NAALADL2: variants seen among roughly 807,000 people sequenced by gnomAD.
NAALADL2 encodes the protein N-acetylated alpha-linked acidic dipeptidase like 2, also known as inactive N-acetylated-alpha-linked acidic dipeptidase-like protein 2.
In NAALADL2, 76 loss-of-function variants were observed where a neutral mutation model predicts 87.2. That is an observed-to-expected ratio of 0.87 (90% CI 0.72 to 1.05). The LOEUF (loss-of-function observed/expected upper bound fraction) is 1.05, where lower values mean the gene tolerates loss of function less well. Ranked by LOEUF, NAALADL2 falls within the 50% of genes least tolerant of loss-of-function variation. The pLI is 0.00. For synonymous variants in NAALADL2, 354 were observed against 331.0 expected, an observed-to-expected ratio of 1.07 and a Z score of -0.75; for missense variants, 1,089 against 945.8, an observed-to-expected ratio of 1.15 and a Z score of -1.99.
chr3:175,010,043 C>T (rs1015256453), intron 1 of NAALADL2, among the ~76,000 whole-genome samples: 14 of 151,958 alleles, frequency 9.2e-5, no homozygotes, highest in African/African-American at 3.4e-4. Flanking sequence ...AATACCACTC[C>T]CAATGGCAAA....
chr3:174,479,808 GT>G (rs796561347), intron 1 of NAALADL2, among the ~76,000 whole-genome samples: 8 of 150,694 alleles, frequency 5.3e-5, no homozygotes, highest in African/African-American at 9.7e-5. Flanking sequence ...AGAATCAGGT[GT>G]TTTTTTTTCT....
intron 1 of NAALADL2, among the ~76,000 whole-genome samples, chr3:174,984,039 T>C (rs913539714): frequency 6.6e-6 from 1 of 152,198 alleles, no homozygotes; most frequent in African/African-American, 2.4e-5. Flanking sequence ...CTTCAGACCT[T>C]TATTTGTAGA....
intron 2 of NAALADL2, among the ~76,000 whole-genome samples, chr3:174,687,485 G>T (rs887593166): frequency 6.6e-6 from 1 of 151,876 alleles, no homozygotes; most frequent in Non-Finnish European, 1.5e-5. Flanking sequence ...ATATACTAGG[G>T]GATCCAAGAA....
At chr3:174,943,650 T>C (rs1016910306) in intron 1 of NAALADL2, among the ~76,000 whole-genome samples, 3 of 152,224 alleles carry the variant, frequency 2.0e-5, no homozygotes, top group African/African-American at 7.2e-5. Context: ...GAGATGCAGG[T>C]CAGCAATCAT....
At chr3:175,706,421 T>G (rs972111288) in intron 11 of NAALADL2, among the ~76,000 whole-genome samples, 1 of 152,120 alleles carries the variant, frequency 6.6e-6, no homozygotes, top group Non-Finnish European at 1.5e-5. Context: ...AATAGAGCAA[T>G]TCTAACAATA....
At chr3:175,117,144 A>C (rs770704787) in intron 2 of NAALADL2, among the ~76,000 whole-genome samples, 6 of 152,148 alleles carry the variant, frequency 3.9e-5, no homozygotes, top group Non-Finnish European at 8.8e-5. Context: ...TATTAGACCT[A>C]AAACCATAAA....
chr3:175,454,453 G>A (rs1433305920), intron 6 of NAALADL2, among the ~76,000 whole-genome samples: 2 of 152,024 alleles, frequency 1.3e-5, no homozygotes, highest in Non-Finnish European at 2.9e-5. Context: ...GAACTTTAGG[G>A]TTCCTACTTT....
intron 5 of NAALADL2, among the ~76,000 whole-genome samples, chr3:175,442,331 A>C (rs1342983712): frequency 6.6e-6 from 1 of 152,080 alleles, no homozygotes. Context: ...CTAACAGAGC[A>C]TATTTTCTTT....
intron 2 of NAALADL2, among the ~76,000 whole-genome samples, chr3:174,628,160 T>A (rs373969284): frequency 1.3e-3 from 193 of 152,186 alleles, no homozygotes; most frequent in African/African-American, 4.5e-3. Context: ...ATACAAGTCA[T>A]AGAGTGGAAA....
chr3:174,944,281 G>T (rs1438884990), intron 1 of NAALADL2, among the ~76,000 whole-genome samples: 1 of 152,134 alleles, frequency 6.6e-6, no homozygotes, highest in Admixed American at 6.5e-5. Context: ...ACAGGATCAG[G>T]CACCTACTTT....
intron 1 of NAALADL2, among the ~76,000 whole-genome samples, chr3:174,981,894 G>A (rs1745169273): frequency 1.3e-5 from 2 of 152,226 alleles, no homozygotes; most frequent in South Asian, 4.1e-4. Flanking sequence ...CAGGTAAAAT[G>A]GTGAAAGAAA....
intron 5 of NAALADL2, among the ~76,000 whole-genome samples, chr3:175,440,614 A>G (rs964377813): frequency 6.6e-6 from 1 of 152,104 alleles, no homozygotes; most frequent in Non-Finnish European, 1.5e-5. Context: ...TTGGTTAAGT[A>G]TATTCCTAAG....
intron 1 of NAALADL2, among the ~76,000 whole-genome samples, chr3:174,522,560 T>C (rs1164892616): frequency 6.6e-6 from 1 of 151,946 alleles, no homozygotes; most frequent in Non-Finnish European, 1.5e-5. Flanking sequence ...CATGGGAGGC[T>C]GAGGTGGGAG....
At chr3:174,555,742 T>C (rs1451961753) in intron 2 of NAALADL2, among the ~76,000 whole-genome samples, 1 of 152,208 alleles carries the variant, frequency 6.6e-6, no homozygotes, top group African/African-American at 2.4e-5. Flanking sequence ...CATTCCATCC[T>C]TCTGGGTATA....
intron 2 of NAALADL2, among the ~76,000 whole-genome samples, chr3:174,695,113 T>G (rs1728903476): frequency 6.6e-6 from 1 of 152,038 alleles, no homozygotes; most frequent in Admixed American, 6.6e-5. Flanking sequence ...CCATGTCACT[T>G]AGGTATAAGA....
At chr3:175,672,765 G>T (rs1335310400) in intron 11 of NAALADL2, among the ~76,000 whole-genome samples, 3 of 152,114 alleles carry the variant, frequency 2.0e-5, no homozygotes, top group African/African-American at 4.8e-5. Flanking sequence ...AATATTTTCT[G>T]TTTAGACTGT....
chr3:175,139,668 A>G (rs755823552), intron 2 of NAALADL2, among the ~76,000 whole-genome samples: 1 of 141,768 alleles, frequency 7.1e-6, no homozygotes, highest in Non-Finnish European at 1.6e-5. Flanking sequence ...TCATTATTCT[A>G]ACCCTATCTT....
At chr3:174,844,984 G>A (rs1033468996) in intron 3 of NAALADL2, among the ~76,000 whole-genome samples, 5 of 151,794 alleles carry the variant, frequency 3.3e-5, no homozygotes, top group Admixed American at 2.0e-4. Context: ...CTCGGGCCAG[G>A]GGGAGTGGGG....
At position 175,398,794 on chromosome 3, in the gene NAALADL2, C is replaced by T. The variant is rs1209232118; in HGVS notation, c.1091-48435C>T. Among the ~76,000 whole-genome samples the T allele has an allele frequency of 2.6e-5, 4 of 151,922 alleles. No individual in the cohort carries two copies. The East Asian group carries it at 7.7e-4, about 29-fold the overall frequency. Reference sequence around the variant, plus strand: ...AAATAGAACATTTAAGTTTATTAGTCATTTTATTTATTATTGTATGAATAC... The same window carrying T: ...AAATAGAACATTTAAGTTTATTAGTTATTTTATTTATTATTGTATGAATAC... On this transcript the variant is annotated intron_variant, in intron 5 of 13. Transcript: ENST00000454872.
Sources: allele counts gnomAD v4.1 joint callset (sites outside exome capture counted in the v4.1 genomes callset), GRCh38; gene constraint gnomAD v4.1.1; transcripts MANE v1.5; gene names NCBI Gene and HGNC (gene_info 2026-07-23, HGNC 2026-07-21).